Variants in ASB15 observed in about 807,000 individuals in gnomAD.
ASB15 encodes ankyrin repeat and SOCS box protein 15.
In ASB15, 54 loss-of-function variants were observed where a neutral mutation model predicts 58.0. The ratio of observed to expected loss-of-function variants is 0.93; its 90% CI spans 0.75 to 1.17. The LOEUF (loss-of-function observed/expected upper bound fraction) is 1.17. ASB15 is among the 50% of genes most tolerant of loss of function. ASB15 has a pLI of 0.00. For synonymous variants in ASB15, 249 were observed against 262.4 expected (o/e 0.95, Z 0.50); for missense variants, 680 against 707.4 (o/e 0.96, Z 0.44).
At chr7:123,600,375 C>A (rs1799837587), upstream of ASB15, among the ~76,000 whole-genome samples, 1 of 152,022 alleles carries the variant, frequency 6.6e-6, no homozygotes, top group Admixed American at 6.6e-5. Flanking sequence ...AACAGGCATA[C>A]CATCATTAGT....
At chr7:123,618,903 C>T (rs1051502768) in intron 7 of ASB15, among the ~76,000 whole-genome samples, 12 of 152,060 alleles carry the variant, frequency 7.9e-5, no homozygotes, top group Middle Eastern at 3.4e-3. Context: ...TGGCCAGGCG[C>T]GGTGGCTCAT....
rs150643869 is a variant in ASB15 at position 123,639,435 on chromosome 7, T to C, written c.*2454T>C. The stretch of plus-strand genomic sequence containing the variant: ...TGAATAAAAAATCATATTGAGGTTA[T>C]AAGTCTGCTTTATGATACTTCATAT... On this transcript the variant is annotated 3_prime_UTR_variant, in exon 12 of 12. Coordinates refer to ENST00000451215, the MANE Select transcript of ASB15 (RefSeq NM_001290258.2). 21 of 152,346 alleles carry C rather than the reference T, an allele frequency of 1.4e-4. No homozygotes were observed. Among genetic ancestry groups the C allele is most frequent in the African/African-American group, 5.0e-4 (21 of 41,590 alleles). The allele number at this position is 152,346 out of a possible 1,614,324, so 9.4% of individuals were successfully genotyped here. A position where few individuals can be genotyped will look rare whatever the true frequency, so the allele number is the denominator to read the frequency against.
rs1413734225 is a variant in ASB15 at position 123,638,516 on chromosome 7, G to C, written c.*1535G>C. On this transcript the variant is annotated 3_prime_UTR_variant, in exon 12 of 12. Transcript: ENST00000451215. The stretch of plus-strand genomic sequence containing the variant: ...CATTTTAATGCCAGAAAGTAAGATG[G>C]TCATAAATTCAGTCATTCAAGTTGA... 4.6e-5 allele frequency: 7 copies of C among 152,066 alleles called. No homozygotes were observed. The highest frequency in any genetic ancestry group is 1.7e-4 in the African/African-American group (7 of 41,386). The allele number at this position is 152,066 out of a possible 1,614,324, so 9.4% of individuals were successfully genotyped here. A position where few individuals can be genotyped will look rare whatever the true frequency, so the allele number is the denominator to read the frequency against.
intron 1 of ASB15, among the ~76,000 whole-genome samples, chr7:123,588,707 C>G (rs1243075044): frequency 1.3e-5 from 2 of 150,994 alleles, no homozygotes; most frequent in African/African-American, 4.9e-5. Flanking sequence ...TAGGTGTTTA[C>G]TGCTATGCTC....
intron 8 of ASB15, among the ~76,000 whole-genome samples, chr7:123,625,679 G>A (rs1174624404): frequency 6.6e-6 from 1 of 151,980 alleles, no homozygotes; most frequent in Non-Finnish European, 1.5e-5. Context: ...AACCCTCCAG[G>A]TGTTTTATAC....
chr7:123,589,466 C>T (rs1799469547), intron 1 of ASB15, among the ~76,000 whole-genome samples: 8 of 136,138 alleles, frequency 5.9e-5, no homozygotes, highest in Admixed American at 5.8e-4. Context: ...ACTATCCCTC[C>T]TCCAGCCCCC....
intron 4 of ASB15, 63 bp downstream of exon 4, chr7:123,614,672 A>C: frequency 9.6e-7 from 1 of 1,047,054 alleles, no homozygotes; most frequent in Non-Finnish European, 1.5e-6. Context: ...GTTGTAAGAT[A>C]AAATGAATAC....
At chr7:123,635,683 T>C (rs2116693501) in intron 11 of ASB15, among the ~76,000 whole-genome samples, 1 of 151,760 alleles carries the variant, frequency 6.6e-6, no homozygotes, top group African/African-American at 2.4e-5. Context: ...TTTTTTATTG[T>C]TTCCATCATA....
At chr7:123,619,179 CAAA>C (rs528943780) in intron 7 of ASB15, among the ~76,000 whole-genome samples, 330 of 55,212 alleles carry the variant, frequency 6.0e-3, no homozygotes, top group African/African-American at 0.027. Flanking sequence ...GACGCCGTCT[CAAA>C]AAAAAAAAAA....
intron 1 of ASB15, among the ~76,000 whole-genome samples, chr7:123,583,940 A>G (rs1351649495): frequency 6.6e-6 from 1 of 151,924 alleles, no homozygotes; most frequent in East Asian, 1.9e-4. Flanking sequence ...GATACAGTCG[A>G]TCACTCCTTT....
At chr7:123,606,356 G>A (rs1800148544) in intron 2 of ASB15, among the ~76,000 whole-genome samples, 1 of 151,980 alleles carries the variant, frequency 6.6e-6, no homozygotes, top group Non-Finnish European at 1.5e-5. Flanking sequence ...CTCTCTTCTC[G>A]AGGTCACCAA....
intron 2 of ASB15, among the ~76,000 whole-genome samples, chr7:123,606,287 A>AC (rs1465439474): frequency 6.6e-6 from 1 of 152,036 alleles, no homozygotes; most frequent in Non-Finnish European, 1.5e-5. Flanking sequence ...GCTCCTTCCC[A>AC]CGCCAAGAAA....
rs758077396 is a variant in ASB15 at position 123,627,232 on chromosome 7, C to T, written c.820C>T (p.Arg274Ter). ...TGGAGGAAGCGGAAATGTACCTAAC[C>T]GAGCAGGACATCTTCCTATACACCG... ...EYGGSGNVPN[R>*]AGHLPIHRAA... Residue 274 changes from arginine (R) to a stop codon, truncating the protein, a stop_gained, in exon 9 of 12, where the codon CGA (arginine) becomes TGA (stop). Transcript: ENST00000451215. LOFTEE classifies it high-confidence loss of function. 34 of 1,613,764 alleles carry T rather than the reference C, an allele frequency of 2.1e-5. No individual in the cohort carries two copies. Among genetic ancestry groups the T allele is most frequent in the East Asian group, 1.6e-4 (7 of 44,888 alleles).
At chr7:123,571,300 T>C (rs1187538476) in intron 1 of ASB15, among the ~76,000 whole-genome samples, 1 of 152,224 alleles carries the variant, frequency 6.6e-6, no homozygotes, top group Non-Finnish European at 1.5e-5. Context: ...TCATTTTCGT[T>C]GTACTGTGGT....
chr7:123,627,075 TC>T (rs1801836295), intron 8 of ASB15, 34 bp from the exon 9 acceptor site: 2 of 1,590,062 alleles, frequency 1.3e-6, no homozygotes, highest in Admixed American at 3.4e-5. Flanking sequence ...AACAATACCA[TC>T]CAGTTATCAT....
chr7:123,572,874 T>C (rs1181354471), intron 1 of ASB15, among the ~76,000 whole-genome samples: 2 of 152,148 alleles, frequency 1.3e-5, no homozygotes, highest in Non-Finnish European at 2.9e-5. Flanking sequence ...TATACCCTTA[T>C]TTTATGCTAT....
chr7:123,614,449 T>G, intron 3 of ASB15, 52 bp from the exon 4 acceptor site: 1 of 1,136,254 alleles, frequency 8.8e-7, no homozygotes, highest in Non-Finnish European at 1.3e-6. Flanking sequence ...TATGTACTGT[T>G]TTGGGCCATT....
intron 1 of ASB15, among the ~76,000 whole-genome samples, chr7:123,568,176 G>C (rs1798809613): frequency 6.6e-6 from 1 of 152,078 alleles, no homozygotes; most frequent in Non-Finnish European, 1.5e-5. Flanking sequence ...ACTGAGATTT[G>C]GATTAAGTTT....
chr7:123,594,488 G>A (rs1760851897), intron 1 of ASB15, among the ~76,000 whole-genome samples: 1 of 152,110 alleles, frequency 6.6e-6, no homozygotes, highest in Admixed American at 6.5e-5. Context: ...TTTTGTTGAT[G>A]TTGATGCTAT....
Sources: allele counts gnomAD v4.1 joint callset (sites outside exome capture counted in the v4.1 genomes callset), GRCh38; gene constraint gnomAD v4.1.1; transcripts MANE v1.5; gene names NCBI Gene and HGNC (gene_info 2026-07-23, HGNC 2026-07-21).